Variants in ACSBG1 observed in about 807,000 individuals in gnomAD.
The protein encoded by ACSBG1 is long-chain-fatty-acid--CoA ligase ACSBG1.
ACSBG1 carries 39 observed loss-of-function variants against 80.2 expected under a neutral mutation model. The observed-to-expected ratio is 0.49, with a 90% CI of 0.38 to 0.64. The LOEUF (loss-of-function observed/expected upper bound fraction) is 0.64, where lower values mean the gene tolerates loss of function less well. Ranked by LOEUF, ACSBG1 falls within the 30% of genes least tolerant of loss-of-function variation. The pLI is 0.00. For missense variants in ACSBG1, 828 were observed against 966.4 expected, an observed-to-expected ratio of 0.86 and a Z score of 1.90; for synonymous variants, 392 against 379.5, an observed-to-expected ratio of 1.03 and a Z score of -0.38.
At chr15:78,232,670 A>G (rs1242601332) in intron 1 of ACSBG1, among the ~76,000 whole-genome samples, 2 of 148,034 alleles carry the variant, frequency 1.4e-5, no homozygotes, top group African/African-American at 5.0e-5. Context: ...CTCTGGGCAC[A>G]TTTATTTCTT....
intron 1 of ACSBG1, among the ~76,000 whole-genome samples, chr15:78,215,461 A>G (rs1181490610): frequency 6.6e-6 from 1 of 152,134 alleles, no homozygotes; most frequent in Non-Finnish European, 1.5e-5. Flanking sequence ...GTTCAAGACC[A>G]GCCTGGCCAA....
At chr15:78,194,405 G>A (rs1595889232) in intron 3 of ACSBG1, 101 bp downstream of exon 3, 2 of 1,094,026 alleles carry the variant, frequency 1.8e-6, no homozygotes, top group Non-Finnish European at 2.7e-6. Context: ...TTGTTCCTAA[G>A]AGCCTTGCCC....
In ACSBG1 at chr15:78,169,894, T is replaced by C. The variant is rs1490596780; in HGVS notation, c.*1550A>G. The C allele has an allele frequency of 6.6e-6, 1 of 152,190 alleles. No homozygotes were observed. Among genetic ancestry groups the C allele is most frequent in the Admixed American group, 6.5e-5 (1 of 15,284 alleles). The allele number at this position is 152,190 out of a possible 1,614,324, so 9.4% of individuals were successfully genotyped here. A position where few individuals can be genotyped will look rare whatever the true frequency, so the allele number is the denominator to read the frequency against. ...TGGGAATGGACCACACTACAGCAGGTAGTTCTGGGGGCGATACTGCCGAAA... is the reference window on the plus strand; with the variant it reads ...TGGGAATGGACCACACTACAGCAGGCAGTTCTGGGGGCGATACTGCCGAAA... On this transcript the variant is annotated 3_prime_UTR_variant, in exon 14 of 14. Transcript: ENST00000258873.
chr15:78,231,207 G>A (rs1299325242), intron 1 of ACSBG1, among the ~76,000 whole-genome samples: 1 of 151,994 alleles, frequency 6.6e-6, no homozygotes, highest in African/African-American at 2.4e-5. Context: ...GGCAACCTCT[G>A]CCTCCCAGAT....
chr15:78,222,980 CT>C (rs1000744749), intron 1 of ACSBG1, among the ~76,000 whole-genome samples: 9 of 152,198 alleles, frequency 5.9e-5, no homozygotes, highest in Non-Finnish European at 1.0e-4. Context: ...TTCTTTAACA[CT>C]TGCCCCATCA....
intron 5 of ACSBG1, 115 bp from the exon 6 acceptor site, chr15:78,182,900 T>A: frequency 9.0e-7 from 1 of 1,106,338 alleles, no homozygotes; most frequent in Non-Finnish European, 1.3e-6. Context: ...GCCCCGTCTC[T>A]GACCTTCGAC....
chr15:78,173,919 T>C (rs191007593), intron 12 of ACSBG1, 80 bp from the exon 13 acceptor site: 57 of 1,517,248 alleles, frequency 3.8e-5, no homozygotes, highest in Non-Finnish European at 4.9e-5. Flanking sequence ...GTCTTACTGC[T>C]GTCGGCAAGG....
Position 78,175,499 on chromosome 15 carries a change from G to A in ACSBG1, c.1703-975C>T, listed in dbSNP as rs1449520961. ...CCAGGGCAGGGAGGCACCAGGCCCA[G>A]CTGCATGCTAAACATGAACGGGAGT... On this transcript the variant is annotated intron_variant, in intron 11 of 13. Coordinates refer to ENST00000258873, the MANE Select transcript of ACSBG1 (RefSeq NM_015162.5). 1.2e-4 allele frequency among the ~76,000 whole-genome samples: 19 copies of A among 152,224 alleles called. 1 individual carries two copies. Among genetic ancestry groups the A allele is most frequent in the Admixed American group, 1.2e-3 (19 of 15,282 alleles).
intron 1 of ACSBG1, among the ~76,000 whole-genome samples, chr15:78,223,153 C>T (rs2075371921): frequency 6.6e-6 from 1 of 152,096 alleles, no homozygotes; most frequent in South Asian, 2.1e-4. Flanking sequence ...CTTTTTGGAT[C>T]CCTGACCCAC....
chr15:78,192,080 G>A (rs893514636), intron 5 of ACSBG1, among the ~76,000 whole-genome samples: 24 of 152,290 alleles, frequency 1.6e-4, no homozygotes, highest in African/African-American at 5.3e-4. Context: ...ACGACGACGT[G>A]AAGACACTGT....
intron 2 of ACSBG1, among the ~76,000 whole-genome samples, chr15:78,204,002 C>G (rs28437725): frequency 0.023 from 3,546 of 152,210 alleles, 139 homozygotes; most frequent in African/African-American, 0.079. Flanking sequence ...CCACATTGGC[C>G]CCAGGACATG....
intron 2 of ACSBG1, among the ~76,000 whole-genome samples, chr15:78,199,605 T>C (rs1016172110): frequency 1.3e-5 from 2 of 151,872 alleles, no homozygotes; most frequent in African/African-American, 4.8e-5. Flanking sequence ...ATTAGATCAA[T>C]TTAGCCATTC....
At chr15:78,186,718 G>C (rs2141338165) in intron 5 of ACSBG1, among the ~76,000 whole-genome samples, 1 of 152,186 alleles carries the variant, frequency 6.6e-6, no homozygotes, top group East Asian at 1.9e-4. Flanking sequence ...ACAAGAGAAA[G>C]CAGGAAAGAT....
Position 78,182,747 on chromosome 15 carries a change from T to A in ACSBG1, c.702A>T (p.Ile234=). The change falls in exon 6 of 14, where the codon ATA becomes ATT. Residue 234 remains isoleucine (I), a synonymous_variant. Coordinates refer to ENST00000258873, the MANE Select transcript of ACSBG1 (RefSeq NM_015162.5). ...TCTTGTTTGGAGGAGGTTCTTTATATATCACGACTGCCTTTAGATGTGGCA... is the reference window on the plus strand; with the variant it reads ...TCTTGTTTGGAGGAGGTTCTTTATAAATCACGACTGCCTTTAGATGTGGCA... The part of the protein sequence containing the change: ...KQLPHLKAVV[I]YKEPPPNKMA... 1 of 1,614,240 alleles carries A rather than the reference T, an allele frequency of 6.2e-7. No individual in the cohort carries two copies. Among genetic ancestry groups the A allele is most frequent in the Non-Finnish European group, 8.5e-7 (1 of 1,180,040 alleles).
chr15:78,199,854 C>T (rs924029438), intron 2 of ACSBG1, among the ~76,000 whole-genome samples: 2 of 152,038 alleles, frequency 1.3e-5, no homozygotes, highest in African/African-American at 2.4e-5. Flanking sequence ...CCAAATCATC[C>T]ATCTTTAACG....
At chr15:78,195,954 T>C (rs912976807) in intron 2 of ACSBG1, among the ~76,000 whole-genome samples, 1 of 152,126 alleles carries the variant, frequency 6.6e-6, no homozygotes, top group Non-Finnish European at 1.5e-5. Flanking sequence ...CAGACTCAGG[T>C]TGGCAGAAAG....
intron 1 of ACSBG1, among the ~76,000 whole-genome samples, chr15:78,212,158 A>C (rs1205292654): frequency 1.3e-5 from 2 of 152,168 alleles, no homozygotes; most frequent in Non-Finnish European, 2.9e-5. Flanking sequence ...GTAGGTGCTC[A>C]ATGAACGCTT....
At chr15:78,185,603 T>C (rs184033399) in intron 5 of ACSBG1, among the ~76,000 whole-genome samples, 128 of 152,282 alleles carry the variant, frequency 8.4e-4, no homozygotes, top group African/African-American at 2.9e-3. Context: ...CTGAGAAATT[T>C]TCAAATATAA....
chr15:78,203,898 C>A (rs2075190346), intron 2 of ACSBG1, among the ~76,000 whole-genome samples: 1 of 152,212 alleles, frequency 6.6e-6, no homozygotes, highest in Non-Finnish European at 1.5e-5. Flanking sequence ...CAGGCAGGAA[C>A]CAGCCCCAGG....
Sources: allele counts gnomAD v4.1 joint callset (sites outside exome capture counted in the v4.1 genomes callset), GRCh38; gene constraint gnomAD v4.1.1; transcripts MANE v1.5; gene names NCBI Gene and HGNC (gene_info 2026-07-23, HGNC 2026-07-21).